Variants in UNC80 observed in about 807,000 individuals in gnomAD.
UNC80 encodes the protein protein unc-80 homolog.
A neutral mutation model predicts 384.6 loss-of-function variants in UNC80; 164 were observed. That is an observed-to-expected ratio of 0.43 (90% CI 0.38 to 0.49). The LOEUF (loss-of-function observed/expected upper bound fraction) is 0.49. UNC80 is among the 20% of genes least tolerant of loss of function. The pLI is 0.00. For synonymous variants in UNC80, 1,486 were observed against 1,527.8 expected, an observed-to-expected ratio of 0.97 and a Z score of 0.64; for missense variants, 3,330 against 4,143.0, an observed-to-expected ratio of 0.80 and a Z score of 5.39.
intron 47 of UNC80, among the ~76,000 whole-genome samples, chr2:209,950,916 G>A (rs1410692719): frequency 6.6e-6 from 1 of 151,852 alleles, no homozygotes; most frequent in Non-Finnish European, 1.5e-5. Flanking sequence ...CTCACGCCTG[G>A]AATCCCAGCA....
intron 26 of UNC80, among the ~76,000 whole-genome samples, chr2:209,893,102 C>G (rs2086501620): frequency 6.6e-6 from 1 of 152,220 alleles, no homozygotes; most frequent in Admixed American, 6.5e-5. Context: ...AGTTCTATCA[C>G]AGTCACATTA....
chr2:209,937,439 T>A (rs2124973966), intron 41 of UNC80, 90 bp from the exon 42 acceptor site: 1 of 953,040 alleles, frequency 1.0e-6, no homozygotes, highest in Non-Finnish European at 1.6e-6. Flanking sequence ...CATAGCATCC[T>A]AGTGCTTAGA....
chr2:209,982,222 T>C lies in UNC80; in HGVS notation c.9162T>C (p.Ala3054=). Residue 3054 remains alanine, a synonymous_variant, in exon 60 of 65, where the codon GCT becomes GCC. Transcript: ENST00000673920. ...CCAGCGTGGTAAGTGAACAAGAAGCTTACCTCCTGAGTGCCATTGGAAGGA... is the reference window on the plus strand; with the variant it reads ...CCAGCGTGGTAAGTGAACAAGAAGCCTACCTCCTGAGTGCCATTGGAAGGA... ...SMPSVVSEQE[A]YLLSAIGRRR... is the part of the protein sequence containing the mutation. 1 of 1,551,620 alleles carries C rather than the reference T, an allele frequency of 6.4e-7. No individual in the cohort carries two copies. Among genetic ancestry groups the C allele is most frequent in the Non-Finnish European group, 8.7e-7 (1 of 1,146,950 alleles).
intron 2 of UNC80, among the ~76,000 whole-genome samples, chr2:209,774,366 A>G (rs2076748696): frequency 6.6e-6 from 1 of 152,224 alleles, no homozygotes; most frequent in Non-Finnish European, 1.5e-5. Context: ...AACCATGCTG[A>G]CAATTATACT....
chr2:209,862,378 G>A lies in UNC80; in HGVS notation c.3628-10380G>A, dbSNP rs139089171. Among the ~76,000 whole-genome samples the A allele has an allele frequency of 1.2e-3, 176 of 152,214 alleles. 1 individual carries two copies. The highest frequency in any genetic ancestry group is 7.4e-4 in the Non-Finnish European group (50 of 68,004). ...CTGAGTTCAAGTCCTGAATATTCTC[G>A]TTAATTTTCTGTCTCATTGATCTGT... On this transcript the variant is annotated intron_variant, in intron 22 of 64. Coordinates refer to ENST00000673920, the MANE Select transcript of UNC80 (RefSeq NM_001371986.1).
At chr2:209,886,851 C>T (rs1385740677) in intron 25 of UNC80, among the ~76,000 whole-genome samples, 2 of 152,112 alleles carry the variant, frequency 1.3e-5, no homozygotes, top group Non-Finnish European at 2.9e-5. Flanking sequence ...GCAGCACAAA[C>T]ATGTCACAGT....
intron 47 of UNC80, among the ~76,000 whole-genome samples, chr2:209,948,826 G>A (rs1020848702): frequency 3.9e-5 from 6 of 152,058 alleles, no homozygotes; most frequent in Non-Finnish European, 7.4e-5. Context: ...AAAGATTAAG[G>A]AAGTAATTTT....
chr2:209,793,680 C>T, intron 6 of UNC80, 40 bp from the exon 7 acceptor site: 1 of 1,604,224 alleles, frequency 6.2e-7, no homozygotes, highest in Non-Finnish European at 8.5e-7. Flanking sequence ...AAACAAAAAA[C>T]AAAAAACAAA....
intron 31 of UNC80, among the ~76,000 whole-genome samples, chr2:209,916,031 T>A (rs986611603): frequency 6.6e-6 from 1 of 152,228 alleles, no homozygotes; most frequent in Non-Finnish European, 1.5e-5. Context: ...AATAAATTTT[T>A]AATTTTTTTC....
chr2:209,994,038 A>T, intron 63 of UNC80, 27 bp from the exon 64 acceptor site: 1 of 1,530,476 alleles, frequency 6.5e-7, no homozygotes, highest in Non-Finnish European at 8.8e-7. Context: ...ACTCCTCCCC[A>T]ATTTACTGTT....
At chr2:209,925,014 A>G (rs2090317909) in intron 35 of UNC80, among the ~76,000 whole-genome samples, 1 of 152,010 alleles carries the variant, frequency 6.6e-6, no homozygotes, top group South Asian at 2.1e-4. Flanking sequence ...TCAATTTTCA[A>G]GGCTCCTAAG....
chr2:209,808,807 C>T, intron 7 of UNC80: 4 of 30,220 alleles, frequency 1.3e-4, no homozygotes, highest in South Asian at 2.0e-4. Flanking sequence ...TGCCACCATG[C>T]CGCGCTCTTT....
At chr2:209,927,722 G>A (rs2090546517) in intron 36 of UNC80, among the ~76,000 whole-genome samples, 1 of 152,194 alleles carries the variant, frequency 6.6e-6, no homozygotes, top group African/African-American at 2.4e-5. Context: ...CTAGAACAGA[G>A]TTTCATGATA....
intron 61 of UNC80, among the ~76,000 whole-genome samples, chr2:209,987,797 A>G (rs2125028325): frequency 1.3e-5 from 2 of 152,326 alleles, no homozygotes; most frequent in Middle Eastern, 6.8e-3. Flanking sequence ...AATAACCTAT[A>G]TAGTGGAACC....
intron 21 of UNC80, chr2:209,845,341 G>C (rs532991117): frequency 6.6e-6 from 1 of 152,100 alleles, no homozygotes; most frequent in Admixed American, 6.6e-5. Flanking sequence ...TTTCTCCTTG[G>C]TGGAAAAGAT....
At chr2:209,812,101 G>C (rs1253407008) in intron 7 of UNC80, among the ~76,000 whole-genome samples, 2 of 152,142 alleles carry the variant, frequency 1.3e-5, no homozygotes, top group Non-Finnish European at 2.9e-5. Flanking sequence ...CCAGGCTGGA[G>C]TGCAGTGGCG....
chr2:209,840,669 G>T (rs1323611694), intron 20 of UNC80, 21 bp downstream of exon 20: 1 of 1,538,936 alleles, frequency 6.5e-7, no homozygotes. Context: ...CATAACTTGT[G>T]TAAGTGACTG....
rs757824615 is a variant in UNC80 at position 209,777,384 on chromosome 2, G to A, written c.425G>A (p.Gly142Asp). 1.1e-5 allele frequency: 18 copies of A among 1,614,190 alleles called. No homozygotes were observed. In the East Asian group the frequency reaches 2.5e-4, roughly 22 times the overall value. The change falls in exon 4 of 65, where the codon GGT (glycine) becomes GAT (aspartate). Residue 142 changes from glycine to aspartate, a missense_variant. Around this residue, in one of 8 missense-constraint regions of UNC80, gnomAD observed 937 missense variants for 1,026.8 expected, o/e 0.91. Transcript: ENST00000673920. ...FGGTDRGSSWGGSSSAFIHQV... is the reference protein window; with the variant it reads ...FGGTDRGSSWDGSSSAFIHQV... ...GGTACAGACCGAGGCTCCAGCTGGG[G>A]TGGAAGCAGCAGTGCTTTCATCCAC...
chr2:209,785,482 G>A (rs924547184), intron 4 of UNC80, among the ~76,000 whole-genome samples: 1 of 152,074 alleles, frequency 6.6e-6, no homozygotes, highest in South Asian at 2.1e-4. Flanking sequence ...GATGATGCTC[G>A]GGGCTGAGAG....
Sources: allele counts gnomAD v4.1 joint callset (sites outside exome capture counted in the v4.1 genomes callset), GRCh38; gene constraint gnomAD v4.1.1; regional missense constraint gnomAD v4.1.1; transcripts MANE v1.5; gene names NCBI Gene and HGNC (gene_info 2026-07-23, HGNC 2026-07-21).